Variants in ATRNL1 observed in about 807,000 individuals in gnomAD.
ATRNL1 encodes the protein attractin-like protein 1.
Under a neutral mutation model 182.7 loss-of-function variants are expected in ATRNL1, and 95 were observed. The ratio of observed to expected loss-of-function variants is 0.52; its 90% CI spans 0.44 to 0.62. The LOEUF is 0.62. Ranked by LOEUF, ATRNL1 falls within the 20% of genes least tolerant of loss-of-function variation. The pLI, the probability that ATRNL1 is intolerant of heterozygous loss-of-function variation, is 0.00. For missense variants in ATRNL1, 1,471 were observed against 1,679.5 expected, an observed-to-expected ratio of 0.88 and a Z score of 2.17; for synonymous variants, 576 against 568.3, an observed-to-expected ratio of 1.01 and a Z score of -0.19.
At chr10:115,665,486 A>G (rs1253083732) in intron 26 of ATRNL1, among the ~76,000 whole-genome samples, 1 of 152,174 alleles carries the variant, frequency 6.6e-6, no homozygotes, top group Non-Finnish European at 1.5e-5. Flanking sequence ...TGGAGAAAAT[A>G]TATAAGGAGG....
chr10:115,545,498 CTT>C (rs1399981214), intron 25 of ATRNL1, among the ~76,000 whole-genome samples: 2 of 152,032 alleles, frequency 1.3e-5, no homozygotes, highest in African/African-American at 4.8e-5. Flanking sequence ...TGTATAACTC[CTT>C]GTTTCAAGAA....
At chr10:115,282,866 T>C (rs1438622158) in intron 14 of ATRNL1, among the ~76,000 whole-genome samples, 1 of 152,040 alleles carries the variant, frequency 6.6e-6, no homozygotes, top group Non-Finnish European at 1.5e-5. Context: ...TTGTGCAGAA[T>C]GTGCAGGTTT....
chr10:115,155,124 TC>T (rs1444234473), intron 5 of ATRNL1, among the ~76,000 whole-genome samples: 1 of 152,144 alleles, frequency 6.6e-6, no homozygotes, highest in Non-Finnish European at 1.5e-5. Context: ...TTACTCTTGC[TC>T]TTTTCTAGTT....
intron 26 of ATRNL1, among the ~76,000 whole-genome samples, chr10:115,643,147 A>G (rs145117043): frequency 6.6e-6 from 1 of 152,226 alleles, no homozygotes; most frequent in East Asian, 1.9e-4. Context: ...AGATCCATAT[A>G]TCAATAAAAC....
intron 19 of ATRNL1, among the ~76,000 whole-genome samples, chr10:115,365,281 C>G (rs1396891696): frequency 1.3e-5 from 2 of 152,076 alleles, no homozygotes; most frequent in Non-Finnish European, 2.9e-5. Flanking sequence ...TTATCCATTT[C>G]TTCTAGATTT....
chr10:115,818,184 CG>C (rs1418851459), intron 27 of ATRNL1, among the ~76,000 whole-genome samples: 10 of 95,486 alleles, frequency 1.0e-4, no homozygotes, highest in Non-Finnish European at 1.5e-4. Flanking sequence ...TATTTGATTC[CG>C]TTTTTTTTTT....
At chr10:115,299,828 C>G (rs1470060598) in intron 15 of ATRNL1, among the ~76,000 whole-genome samples, 1 of 151,996 alleles carries the variant, frequency 6.6e-6, no homozygotes, top group Non-Finnish European at 1.5e-5. Context: ...AATATAAAAC[C>G]TGTGTTTTAA....
At chr10:115,114,142 A>G (rs1554869122) in intron 1 of ATRNL1, among the ~76,000 whole-genome samples, 2 of 152,172 alleles carry the variant, frequency 1.3e-5, no homozygotes, top group South Asian at 2.1e-4. Flanking sequence ...CTCGAGGAAT[A>G]CACATTGGAG....
At chr10:115,882,404 A>G (rs1555108788) in intron 28 of ATRNL1, among the ~76,000 whole-genome samples, 1 of 152,160 alleles carries the variant, frequency 6.6e-6, no homozygotes, top group African/African-American at 2.4e-5. Flanking sequence ...AGGTTCTGAC[A>G]CCCACATTGT....
chr10:115,341,506 A>C (rs1389316975), intron 19 of ATRNL1, among the ~76,000 whole-genome samples: 1 of 152,112 alleles, frequency 6.6e-6, no homozygotes, highest in Non-Finnish European at 1.5e-5. Context: ...AATTTTCTGT[A>C]ACTATCTGAT....
intron 8 of ATRNL1, among the ~76,000 whole-genome samples, chr10:115,209,760 G>A (rs1045717095): frequency 6.6e-6 from 1 of 151,926 alleles, no homozygotes; most frequent in African/African-American, 2.4e-5. Context: ...TATCTTGCAT[G>A]TTTATTGAGA....
chr10:115,283,657 A>G (rs1404310042), intron 14 of ATRNL1, among the ~76,000 whole-genome samples: 4 of 152,204 alleles, frequency 2.6e-5, no homozygotes, highest in South Asian at 2.1e-4. Flanking sequence ...ATGTAGATCA[A>G]TGAAAATATT....
At chr10:115,393,872 G>C (rs1844156715) in intron 19 of ATRNL1, among the ~76,000 whole-genome samples, 1 of 151,996 alleles carries the variant, frequency 6.6e-6, no homozygotes, top group African/African-American at 2.4e-5. Context: ...AGAAAGGATT[G>C]CAAAGTAAGA....
chr10:115,694,935 A>G (rs1565293786), intron 26 of ATRNL1, among the ~76,000 whole-genome samples: 1 of 109,442 alleles, frequency 9.1e-6, no homozygotes. Flanking sequence ...ACACACATGC[A>G]CACACGCACA....
At chr10:115,855,027 C>T (rs1951147940) in intron 28 of ATRNL1, among the ~76,000 whole-genome samples, 1 of 152,206 alleles carries the variant, frequency 6.6e-6, no homozygotes, top group African/African-American at 2.4e-5. Context: ...TTCTCCTCAA[C>T]TTCTCTTCCA....
chr10:115,353,110 T>G (rs985151418), intron 19 of ATRNL1, among the ~76,000 whole-genome samples: 13 of 152,222 alleles, frequency 8.5e-5, no homozygotes, highest in African/African-American at 2.9e-4. Context: ...TTAAGTCTAA[T>G]GGTGCATTGT....
At chr10:115,606,564 A>T (rs1856886292) in intron 26 of ATRNL1, among the ~76,000 whole-genome samples, 1 of 152,078 alleles carries the variant, frequency 6.6e-6, no homozygotes, top group South Asian at 2.1e-4. Flanking sequence ...ATACAGTTGT[A>T]GCATTTCAAT....
intron 24 of ATRNL1, among the ~76,000 whole-genome samples, chr10:115,513,508 T>C (rs369738488): frequency 6.6e-6 from 1 of 151,944 alleles, no homozygotes; most frequent in East Asian, 1.9e-4. Context: ...AACTGATACA[T>C]CCAAGTACCT....
intron 8 of ATRNL1, among the ~76,000 whole-genome samples, chr10:115,195,702 A>G (rs1554890879): frequency 6.6e-6 from 1 of 152,100 alleles, no homozygotes; most frequent in Non-Finnish European, 1.5e-5. Flanking sequence ...ATTTCTTTGA[A>G]TAAACTTTCT....
Sources: gnomAD v4.1 joint callset for allele counts (sites outside exome capture counted in the v4.1 genomes callset) on GRCh38, gnomAD v4.1.1 for gene constraint, MANE v1.5 for transcripts, NCBI Gene and HGNC (gene_info 2026-07-23, HGNC 2026-07-21) for gene names.